Variants in NCOA7 observed in about 807,000 individuals in gnomAD.
NCOA7 encodes nuclear receptor coactivator 7.
In NCOA7, 45 loss-of-function variants were observed where a neutral mutation model predicts 104.3. The ratio of observed to expected loss-of-function variants is 0.43; its 90% CI spans 0.34 to 0.55. The LOEUF is 0.55. Ranked by LOEUF, NCOA7 falls within the 20% of genes least tolerant of loss-of-function variation. The probability of loss-of-function intolerance (pLI) is 0.02; values close to 1 mark genes in which losing one functional copy is unlikely to be tolerated. For synonymous variants in NCOA7, 398 were observed against 402.3 expected, an observed-to-expected ratio of 0.99 and a Z score of 0.13; for missense variants, 1,041 against 1,119.7, an observed-to-expected ratio of 0.93 and a Z score of 1.00.
At chr6:125,847,879 G>C (rs1780763723) in intron 2 of NCOA7, among the ~76,000 whole-genome samples, 1 of 152,138 alleles carries the variant, frequency 6.6e-6, no homozygotes. Context: ...CCTACAGAAT[G>C]GGAGAAAAAT....
chr6:125,882,054 A>G (rs536649406), intron 6 of NCOA7, among the ~76,000 whole-genome samples: 2 of 152,290 alleles, frequency 1.3e-5, no homozygotes, highest in African/African-American at 4.8e-5. Flanking sequence ...GGGTTTCACC[A>G]TATTAGTCAG....
upstream of NCOA7, among the ~76,000 whole-genome samples, chr6:125,787,780 A>C (rs1774539551): frequency 6.6e-6 from 1 of 152,206 alleles, no homozygotes; most frequent in Non-Finnish European, 1.5e-5. Flanking sequence ...TGTTAGGGAT[A>C]CCATTTTTAA....
chr6:125,804,199 A>G (rs1433362280), intron 1 of NCOA7, among the ~76,000 whole-genome samples: 2 of 152,236 alleles, frequency 1.3e-5, no homozygotes, highest in African/African-American at 2.4e-5. Context: ...CAGAGAGTCT[A>G]TGGTTTTAGG....
chr6:125,866,175 C>CA (rs371723521), intron 3 of NCOA7, among the ~76,000 whole-genome samples: 14 of 89,090 alleles, frequency 1.6e-4, no homozygotes, highest in South Asian at 5.4e-4. Flanking sequence ...ACTAAGAATA[C>CA]AAAATTAGCT....
chr6:125,790,187 C>T (rs866096301), upstream of NCOA7, among the ~76,000 whole-genome samples: 22 of 152,362 alleles, frequency 1.4e-4, no homozygotes, highest in African/African-American at 5.3e-4. Context: ...CTCTGTTAAA[C>T]GCAACGCCAG....
At chr6:125,906,413 G>A (rs1041222304) in intron 10 of NCOA7, among the ~76,000 whole-genome samples, 2 of 152,184 alleles carry the variant, frequency 1.3e-5, no homozygotes, top group Admixed American at 6.5e-5. Context: ...GTACGGAGCT[G>A]CACCAGGAGA....
chr6:125,928,359 C>T, intron 15 of NCOA7, 112 bp downstream of exon 15: 1 of 973,382 alleles, frequency 1.0e-6, no homozygotes, highest in Non-Finnish European at 1.6e-6. Flanking sequence ...TTAGCTAGTC[C>T]ATGTGCTTAG....
intron 6 of NCOA7, among the ~76,000 whole-genome samples, chr6:125,881,422 C>T (rs982193690): frequency 6.6e-6 from 1 of 152,156 alleles, no homozygotes; most frequent in Admixed American, 6.5e-5. Flanking sequence ...GTAGTCCCAG[C>T]ACTCTGGGAG....
At chr6:125,892,754 T>C (rs775613898) in intron 10 of NCOA7, among the ~76,000 whole-genome samples, 9 of 152,236 alleles carry the variant, frequency 5.9e-5, no homozygotes, top group Admixed American at 3.9e-4. Context: ...TGTCCATTAC[T>C]TGTTTACCTT....
upstream of NCOA7, among the ~76,000 whole-genome samples, chr6:125,789,799 A>G (rs73582393): frequency 0.12 from 18,303 of 152,282 alleles, 1,465 homozygotes; most frequent in African/African-American, 0.23. Flanking sequence ...AGCTGCGTCA[A>G]CAACCCAGAG....
intron 10 of NCOA7, among the ~76,000 whole-genome samples, chr6:125,896,747 A>G (rs1488677655): frequency 2.0e-5 from 3 of 152,234 alleles, no homozygotes; most frequent in Admixed American, 2.0e-4. Flanking sequence ...AGCTAAAATC[A>G]CGCCTCCGCA....
In NCOA7 at chr6:125,880,963, C is replaced by G. The variant is rs1318502706; in HGVS notation, c.460-127C>G. On this transcript the variant is annotated intron_variant, in intron 5 of 15. Coordinates refer to ENST00000392477, the MANE Select transcript of NCOA7 (RefSeq NM_181782.5). ...AAAACCGTAAGTTGCTTATGAGTTTCTTGAAAGCAACCTAGGTCGTAATCA... is the reference window on the plus strand; with the variant it reads ...AAAACCGTAAGTTGCTTATGAGTTTGTTGAAAGCAACCTAGGTCGTAATCA... 4 of 674,964 alleles carry G rather than the reference C, an allele frequency of 5.9e-6. No individual in the cohort carries two copies. In the East Asian group the frequency reaches 7.9e-5, roughly 13 times the overall value. 41.8% of individuals were successfully genotyped at this position (674,964 alleles called of 1,614,324 possible). A position where few individuals can be genotyped will look rare whatever the true frequency, so the allele number is the denominator to read the frequency against.
chr6:125,872,963 T>C (rs140451301), intron 3 of NCOA7, among the ~76,000 whole-genome samples: 1,866 of 152,326 alleles, frequency 0.012, 32 homozygotes, highest in African/African-American at 0.043. Flanking sequence ...AACAGGACTG[T>C]AATGGAAGCA....
chr6:125,808,851 G>T (rs895496231), intron 1 of NCOA7, among the ~76,000 whole-genome samples: 7 of 152,218 alleles, frequency 4.6e-5, no homozygotes, highest in African/African-American at 1.7e-4. Context: ...TTTAGAGTAT[G>T]TAGGAGATTT....
intron 2 of NCOA7, among the ~76,000 whole-genome samples, chr6:125,853,833 G>A (rs1032299721): frequency 3.9e-5 from 6 of 152,160 alleles, no homozygotes; most frequent in Non-Finnish European, 7.4e-5. Context: ...GAAAACTAAG[G>A]TTCAAGGCGT....
chr6:125,928,071 G>A, intron 14 of NCOA7, 103 bp from the exon 15 acceptor site: 1 of 1,073,230 alleles, frequency 9.3e-7, no homozygotes, highest in Non-Finnish European at 1.4e-6. Flanking sequence ...CCGTCAATGG[G>A]GTGAGGTGGT....
rs1278908818 is a variant in NCOA7, at chr6:125,863,575, A to C, written c.271+8335A>C. On this transcript the variant is annotated intron_variant, in intron 3 of 15. Coordinates refer to ENST00000392477, the MANE Select transcript of NCOA7 (RefSeq NM_181782.5). Reference sequence around the variant, plus strand: ...CAGTCAGGGGTTTTAAGCTTTGAAAAATTAAATTAGAAGTAAACTAGGAAG... The same window carrying C: ...CAGTCAGGGGTTTTAAGCTTTGAAACATTAAATTAGAAGTAAACTAGGAAG... 2.2e-5 allele frequency among the ~76,000 whole-genome samples: 3 copies of C among 138,556 alleles called. 1 individual carries two copies. The highest frequency in any genetic ancestry group is 4.6e-5 in the Non-Finnish European group (3 of 64,986). 90.9% of individuals were successfully genotyped at this position (138,556 alleles called of 152,430 possible). A position where few individuals can be genotyped will look rare whatever the true frequency, so the allele number is the denominator to read the frequency against.
intron 10 of NCOA7, among the ~76,000 whole-genome samples, chr6:125,893,589 G>A (rs146449610): frequency 1.2e-4 from 18 of 152,102 alleles, no homozygotes; most frequent in African/African-American, 4.3e-4. Context: ...ACCATGGAGA[G>A]GGCGGGGCTG....
At position 125,890,669 on chromosome 6, in the gene NCOA7, G is replaced by A. The variant is rs1188682275; in HGVS notation, c.1955G>A (p.Ser652Asn). ...ATACTTCCTTCAAAAGAAGAAAAAA[G>A]CAAGACCCCACCCATGTTCCTGTGC... is the stretch of plus-strand genomic sequence containing the variant. ...EDILPSKEEK[S>N]KTPPMFLCIK... The change falls in exon 10 of 16, where the codon AGC becomes AAC. Residue 652 changes from serine (S) to asparagine (N), a missense_variant. Transcript: ENST00000392477. 1 of 1,612,608 alleles carries A rather than the reference G, an allele frequency of 6.2e-7. No homozygotes were observed. Among genetic ancestry groups the A allele is most frequent in the South Asian group, 1.1e-5 (1 of 90,834 alleles).
Sources: allele counts gnomAD v4.1 joint callset (sites outside exome capture counted in the v4.1 genomes callset), GRCh38; gene constraint gnomAD v4.1.1; transcripts MANE v1.5; gene names NCBI Gene and HGNC (gene_info 2026-07-23, HGNC 2026-07-21).